CR2: variants seen among roughly 807,000 people sequenced by gnomAD.
CR2 encodes complement C3d receptor 2.
A neutral mutation model predicts 123.0 loss-of-function variants in CR2; 96 were observed. That is an observed-to-expected ratio of 0.78 (90% confidence interval 0.66 to 0.93). CR2 has a LOEUF of 0.93. Ranked by LOEUF, CR2 falls within the 40% of genes least tolerant of loss-of-function variation. CR2 has a pLI of 0.00. For synonymous variants in CR2, 484 were observed against 469.5 expected, an observed-to-expected ratio of 1.03 and a Z score of -0.40; for missense variants, 1,258 against 1,361.0, an observed-to-expected ratio of 0.92 and a Z score of 1.19.
At chr1:207,462,101 T>C (rs540835054) in intron 1 of CR2, among the ~76,000 whole-genome samples, 1 of 152,186 alleles carries the variant, frequency 6.6e-6, no homozygotes, top group South Asian at 2.1e-4. Flanking sequence ...CCCATTCAAT[T>C]CAAAAAATAC....
intron 12 of CR2, 81 bp downstream of exon 12, chr1:207,473,966 G>T (rs957929978): frequency 2.3e-6 from 3 of 1,324,746 alleles, no homozygotes; most frequent in Non-Finnish European, 3.2e-6. Flanking sequence ...TGTCTTGGTG[G>T]CATCCTTTAG....
At chr1:207,462,917 C>G (rs1028795297) in intron 1 of CR2, among the ~76,000 whole-genome samples, 2 of 152,168 alleles carry the variant, frequency 1.3e-5, no homozygotes, top group African/African-American at 4.8e-5. Context: ...CATCCATGCA[C>G]AGAAATGCAG....
rs756203331 is a variant in CR2 at position 207,471,437 on chromosome 1, G to A, written c.1508G>A (p.Gly503Glu). The change falls in exon 9 of 20, where the codon GGG (glycine) becomes GAG (glutamate). Residue 503 changes from glycine to glutamate, a missense_variant. Physicochemically the swap from Gly to Glu is moderately conservative, Grantham distance 98. Transcript: ENST00000367057. ...SSCGEGYKLS[G>E]SVYQECQGTI... is the part of the protein sequence containing the mutation. ...TCTGTCTCTAGGTACAAGTTAAGTG[G>A]GAGTGTTTATCAGGAGTGTCAAGGC... 8 of 1,612,520 alleles carry A rather than the reference G, an allele frequency of 5.0e-6. No individual in the cohort carries two copies. The highest frequency in any genetic ancestry group is 6.8e-6 in the Non-Finnish European group (8 of 1,178,798).
chr1:207,485,644 A>G (rs1658729215), intron 19 of CR2, 72 bp downstream of exon 19: 8 of 864,130 alleles, frequency 9.3e-6, no homozygotes, highest in Non-Finnish European at 1.4e-5. Context: ...CAATAAGCGT[A>G]GCATTCACGG....
At chr1:207,476,734 T>G (rs1005659291) in intron 15 of CR2, among the ~76,000 whole-genome samples, 4 of 152,236 alleles carry the variant, frequency 2.6e-5, no homozygotes, top group African/African-American at 7.2e-5. Flanking sequence ...AGTGTGTATT[T>G]GATAAAGTAC....
rs376075714 is a variant in CR2, at chr1:207,469,683, C to A, written c.818-12C>A. 1.9e-6 allele frequency: 3 copies of A among 1,612,450 alleles called. No individual in the cohort carries two copies. The African/African-American group carries it at 4.0e-5, about 22-fold the overall frequency. On this transcript the variant is annotated splice_polypyrimidine_tract_variant and intron_variant, in intron 5 of 19. Transcript: ENST00000367057. ...CCTATGATCTTGTCATTTCTTTCTGCAATTCCCCTAGAAATTTTTTGCCCA... is the reference window on the plus strand; with the variant it reads ...CCTATGATCTTGTCATTTCTTTCTGAAATTCCCCTAGAAATTTTTTGCCCA...
At chr1:207,480,339 A>G (rs1022710776) in intron 18 of CR2, among the ~76,000 whole-genome samples, 1 of 152,198 alleles carries the variant, frequency 6.6e-6, no homozygotes, top group Non-Finnish European at 1.5e-5. Context: ...ACTTTGGTGT[A>G]TTCGTATCTG....
Position 207,468,649 on chromosome 1 carries a change from G to T in CR2, c.568G>T (p.Val190Phe). The T allele has an allele frequency of 1.9e-6, 3 of 1,614,060 alleles. No individual in the cohort carries two copies. Among genetic ancestry groups the T allele is most frequent in the South Asian group, 2.2e-5 (2 of 91,084 alleles). ...CAGCTGTGAATCTGGTTACTTGCTT[G>T]TTGGAGAAAAGATCATTAACTGTTT... The part of the protein sequence containing the change: ...TYSCESGYLL[V>F]GEKIINCLSS... The change falls in exon 3 of 20, where the codon GTT becomes TTT. Residue 190 changes from valine (V) to phenylalanine (F), a missense_variant. By Grantham distance (50) the Val-to-Phe change is conservative (BLOSUM62 -1). Coordinates refer to ENST00000367057, the MANE Select transcript of CR2 (RefSeq NM_001006658.3).
chr1:207,456,541 T>C (rs971805718), intron 1 of CR2, among the ~76,000 whole-genome samples: 6 of 152,222 alleles, frequency 3.9e-5, no homozygotes, highest in African/African-American at 1.4e-4. Flanking sequence ...TTTTAGTGTT[T>C]TCCTATTTTT....
intron 12 of CR2, 62 bp downstream of exon 12, chr1:207,473,947 C>A: frequency 6.8e-7 from 1 of 1,479,128 alleles, no homozygotes; most frequent in Non-Finnish European, 9.4e-7. Context: ...ATTAACTTGA[C>A]CTTCAACTTG....
In CR2 at chr1:207,471,481, G is replaced by A; in HGVS notation, c.1552G>A (p.Glu518Lys). The A allele has an allele frequency of 6.2e-7, 1 of 1,611,484 alleles. No homozygotes were observed. The highest frequency in any genetic ancestry group is 8.5e-7 in the Non-Finnish European group (1 of 1,177,726). ...ECQGTIPWFM[E>K]IRLCKEITCP... ...TCAAGGCACAATTCCTTGGTTTATG[G>A]AGATTCGTCTTTGTAAAGGTGAGTA... The change falls in exon 9 of 20, where the codon GAG becomes AAG. Residue 518 changes from glutamate (E) to lysine (K), a missense_variant. Transcript: ENST00000367057.
chr1:207,486,230 C>CAAAAAAAAAAAAAAAAAAAAAAAAAAA (rs1173937738), intron 19 of CR2, among the ~76,000 whole-genome samples: 4 of 43,004 alleles, frequency 9.3e-5, no homozygotes, highest in East Asian at 1.5e-3. Flanking sequence ...GACTGCATCT[C>CAAAAAAAAAAAAAAAAAAAAAAAAAAA]AAAAAAAAAA....
In CR2 at chr1:207,470,121, A is replaced by G. The variant is rs186004745; in HGVS notation, c.1225+19A>G. 7 of 1,612,806 alleles carry G rather than the reference A, an allele frequency of 4.3e-6. No homozygotes were observed. The East Asian group carries it at 1.6e-4, about 36-fold the overall frequency. On this transcript the variant is annotated intron_variant, in intron 6 of 19. Transcript: ENST00000367057. The stretch of plus-strand genomic sequence containing the variant: ...GAAAAGGGTGAGTGTTCCGGTACTC[A>G]GAAAAGGTGCTTCTGATTCGTTTCT...
Position 207,479,997 on chromosome 1 carries a change from A to G in CR2, c.3132A>G (p.Ile1044Met). ...PVLCGIAAGL[I>M]LLTFLIVITL... Reference sequence around the variant, plus strand: ...TTCTAGGTATTGCTGCAGGTTTGATACTTCTTACCTTCTTGATTGTCATTA... The same window carrying G: ...TTCTAGGTATTGCTGCAGGTTTGATGCTTCTTACCTTCTTGATTGTCATTA... The change falls in exon 18 of 20, where the codon ATA becomes ATG. Residue 1044 changes from isoleucine (I) to methionine (M), a missense_variant. Transcript: ENST00000367057. 1 of 1,613,186 alleles carries G rather than the reference A, an allele frequency of 6.2e-7. No homozygotes were observed. The highest frequency in any genetic ancestry group is 8.5e-7 in the Non-Finnish European group (1 of 1,179,254).
At chr1:207,478,494 C>T (rs1408678187) in intron 16 of CR2, among the ~76,000 whole-genome samples, 11 of 130,034 alleles carry the variant, frequency 8.5e-5, no homozygotes, top group Admixed American at 1.7e-4. Flanking sequence ...CACCACCGCA[C>T]TCTAGCCTGG....
At position 207,462,054 on chromosome 1, in the gene CR2, T is replaced by C. The variant is rs377459741; in HGVS notation, c.59-4472T>C. 1.2e-4 allele frequency among the ~76,000 whole-genome samples: 18 copies of C among 152,208 alleles called. No individual in the cohort carries two copies. The East Asian group carries it at 3.5e-3, about 29-fold the overall frequency. On this transcript the variant is annotated intron_variant, in intron 1 of 19. Transcript: ENST00000367057. Reference sequence around the variant, plus strand: ...TACTGTGTTAGGGTGAGGTTAGAAGTTAGAGACAAGAGATGTTAATATTAC... The same window carrying C: ...TACTGTGTTAGGGTGAGGTTAGAAGCTAGAGACAAGAGATGTTAATATTAC...
rs1002036592 is a variant in CR2, at chr1:207,454,355, C to A, written c.-64C>A. Reference sequence around the variant, plus strand: ...CTGCTTGCTGCTCCAGCCTTGCCCTCCCAGAGCTGCCGGACGCTCGCGGGT... The same window carrying A: ...CTGCTTGCTGCTCCAGCCTTGCCCTACCAGAGCTGCCGGACGCTCGCGGGT... On this transcript the variant is annotated 5_prime_UTR_variant, in exon 1 of 20. Coordinates refer to ENST00000367057, the MANE Select transcript of CR2 (RefSeq NM_001006658.3). The surrounding 1 kb of genome is among the most constrained non-coding windows in gnomAD (Gnocchi z 4.3). 7.0e-7 allele frequency: 1 copy of A among 1,431,408 alleles called. No individual in the cohort carries two copies. Among genetic ancestry groups the A allele is most frequent in the Non-Finnish European group, 9.5e-7 (1 of 1,048,988 alleles). 88.7% of individuals were successfully genotyped at this position (1,431,408 alleles called of 1,614,324 possible).
At chr1:207,476,560 C>A in intron 15 of CR2, 141 bp downstream of exon 15, 1 of 759,236 alleles carries the variant, frequency 1.3e-6, no homozygotes, top group Admixed American at 2.7e-5. Context: ...TAGATTAATA[C>A]AATCATTAAA....
chr1:207,479,173 T>C (rs1658530223), intron 16 of CR2, 84 bp from the exon 17 acceptor site: 3 of 1,084,204 alleles, frequency 2.8e-6, no homozygotes, highest in East Asian at 2.4e-5. Context: ...TGTTGATTTC[T>C]GGGACATTAC....
Sources: allele counts gnomAD v4.1 joint callset (sites outside exome capture counted in the v4.1 genomes callset), GRCh38; gene constraint gnomAD v4.1.1; non-coding constraint Gnocchi (gnomAD v3.1); transcripts MANE v1.5; gene names NCBI Gene and HGNC (gene_info 2026-07-23, HGNC 2026-07-21).